PABIR3: variants seen among roughly 807,000 people sequenced by gnomAD.
PABIR3 encodes PABIR family member 1.
A neutral mutation model predicts 23.1 loss-of-function variants in PABIR3; 20 were observed. The observed-to-expected ratio is 0.86, with a 90% CI of 0.61 to 1.26. PABIR3 has a LOEUF of 1.26. Among genes scored for constraint, PABIR3 ranks in the 50% most tolerant of loss-of-function variants. The pLI is 0.00. For synonymous variants in PABIR3, 69 were observed against 68.5 expected (o/e 1.01, Z -0.04); for missense variants, 189 against 195.4 (o/e 0.97, Z 0.20).
the PABIR3 span, among the ~76,000 whole-genome samples, chrX:134,863,059 A>G: frequency 9.0e-6 from 1 of 111,618 alleles, no homozygotes; most frequent in South Asian, 3.7e-4. Flanking sequence ...CAGTTTATCA[A>G]TATGTTTAAA....
At chrX:134,803,080 G>A (rs891757563), upstream of PABIR3, among the ~76,000 whole-genome samples, 1 of 112,415 alleles carries the variant, frequency 8.9e-6, no homozygotes, top group African/African-American at 3.2e-5. Context: ...TGGCGCAGGT[G>A]GTAAAGGAAT....
downstream of PABIR3, among the ~76,000 whole-genome samples, chrX:134,856,068 C>A (rs1259019677): frequency 1.8e-5 from 2 of 111,977 alleles, no homozygotes; most frequent in Non-Finnish European, 3.8e-5. Context: ...CAGAAAGTAA[C>A]TAATGGGGAT....
chrX:134,809,645 T>C, intron 2 of PABIR3: 1 of 736,834 alleles, frequency 1.4e-6, no homozygotes, highest in African/African-American at 2.3e-5. Flanking sequence ...CACAGTACCA[T>C]AGACTATCAG....
intron 4 of PABIR3, among the ~76,000 whole-genome samples, chrX:134,836,946 G>A (rs1394844317): frequency 9.0e-6 from 1 of 111,713 alleles, no homozygotes; most frequent in Non-Finnish European, 1.9e-5. Context: ...GTTCGTGCCT[G>A]TAATTCCAGT....
At chrX:134,800,587 C>A (rs112654361) in intron 1 of PABIR3, among the ~76,000 whole-genome samples, 8,481 of 111,151 alleles carry the variant, frequency 0.076, 789 homozygotes, top group African/African-American at 0.26. Context: ...GTCAAGAGAT[C>A]GAGACCATCC....
At chrX:134,830,582 C>T (rs773725686) in intron 4 of PABIR3, among the ~76,000 whole-genome samples, 12 of 109,886 alleles carry the variant, frequency 1.1e-4, no homozygotes, top group Non-Finnish European at 1.9e-4. Flanking sequence ...ATCTGCCTAC[C>T]TCGGCCTCCC....
At chrX:134,813,072 GAAAT>G (rs920496633) in intron 2 of PABIR3, among the ~76,000 whole-genome samples, 16 of 111,946 alleles carry the variant, frequency 1.4e-4, no homozygotes, top group African/African-American at 4.9e-4. Flanking sequence ...TTTTACAAAT[GAAAT>G]GATGGTATTG....
intron 3 of PABIR3, 39 bp from the exon 4 acceptor site, chrX:134,829,187 A>AC: frequency 1.8e-6 from 2 of 1,115,179 alleles, no homozygotes; most frequent in Non-Finnish European, 2.5e-6. Context: ...TTAATCACAA[A>AC]CATTAAAGCA....
In PABIR3 at chrX:134,830,767, T is replaced by C. The variant is rs2081746656; in HGVS notation, c.246+1485T>C. ...CGTGTTTATCTGTGCAATATGTTTCTTTGCTTCTCCTAAATTAAACCAAAT... is the reference window on the plus strand; with the variant it reads ...CGTGTTTATCTGTGCAATATGTTTCCTTGCTTCTCCTAAATTAAACCAAAT... On this transcript the variant is annotated intron_variant, in intron 4 of 10. Transcript: ENST00000645433. 3.6e-5 allele frequency among the ~76,000 whole-genome samples: 4 copies of C among 111,844 alleles called. No homozygotes were observed. The Admixed American group carries it at 3.8e-4, about 11-fold the overall frequency.
chrX:134,810,414 G>A (rs2080580277), intron 2 of PABIR3: 1 of 753,206 alleles, frequency 1.3e-6, no homozygotes, highest in Admixed American at 8.7e-5. Flanking sequence ...GCATATTTCT[G>A]TAGTAGGAGT....
intron 3 of PABIR3, among the ~76,000 whole-genome samples, chrX:134,818,823 T>A (rs994435331): frequency 1.6e-4 from 18 of 111,347 alleles, no homozygotes; most frequent in African/African-American, 3.9e-4. Flanking sequence ...TGGGTTTTTT[T>A]AAATCAGTAA....
chrX:134,816,423 C>T (rs767181673), intron 3 of PABIR3, among the ~76,000 whole-genome samples: 5 of 112,304 alleles, frequency 4.5e-5, no homozygotes, highest in Non-Finnish European at 7.5e-5. Flanking sequence ...CGGGTTCAGG[C>T]GATTCTCCTG....
At chrX:134,845,905 A>C (rs1211846379) in intron 6 of PABIR3, among the ~76,000 whole-genome samples, 2 of 112,221 alleles carry the variant, frequency 1.8e-5, no homozygotes, top group Admixed American at 9.5e-5. Context: ...TCCATAATTT[A>C]TGAACTATAT....
At chrX:134,814,977 C>T (rs1453297104) in intron 3 of PABIR3, 128 bp downstream of exon 3, 4 of 485,758 alleles carry the variant, frequency 8.2e-6, no homozygotes, top group Non-Finnish European at 1.3e-5. Flanking sequence ...GGAGTCTCAC[C>T]CCCAGGGTTT....
chrX:134,825,085 G>A (rs1046567759), intron 3 of PABIR3, among the ~76,000 whole-genome samples: 2 of 111,404 alleles, frequency 1.8e-5, no homozygotes, highest in African/African-American at 6.5e-5. Flanking sequence ...AGCCGGAGGG[G>A]GGTATGTGGG....
chrX:134,829,256 A>G lies in PABIR3; in HGVS notation c.220A>G (p.Ile74Val), dbSNP rs997733295. 8.3e-7 allele frequency: 1 copy of G among 1,209,522 alleles called. No individual in the cohort carries two copies. The highest frequency in any genetic ancestry group is 1.8e-5 in the South Asian group (1 of 56,719). Reference sequence around the variant, plus strand: ...GCCACCTCCTCCCTTTCATGGTTCCATCAGCCGCCTTCATCAAATCAAACA... The same window carrying G: ...GCCACCTCCTCCCTTTCATGGTTCCGTCAGCCGCCTTCATCAAATCAAACA... The part of the protein sequence containing the change: ...LLPPPPFHGS[I>V]SRLHQIKQEE... The change falls in exon 4 of 11, where the codon ATC (isoleucine) becomes GTC (valine). Residue 74 changes from isoleucine (I) to valine (V), a missense_variant. Ile to Val is a conservative substitution (Grantham distance 29). Transcript: ENST00000645433.
Position 134,854,340 on chromosome X carries a change from C to T in PABIR3, c.*123C>T. Reference sequence around the variant, plus strand: ...TGTACTGTATAATTTAAACTATCTCCTATTTATCTTTTTTCCTCAATTTCC... The same window carrying T: ...TGTACTGTATAATTTAAACTATCTCTTATTTATCTTTTTTCCTCAATTTCC... On this transcript the variant is annotated 3_prime_UTR_variant, in exon 11 of 11. Transcript: ENST00000645433. 5 of 785,417 alleles carry T rather than the reference C, an allele frequency of 6.4e-6. No homozygotes were observed. The highest frequency in any genetic ancestry group is 8.4e-6 in the Non-Finnish European group (5 of 596,460). The allele number at this position is 785,417 out of a possible 1,213,427, so 64.7% of individuals were successfully genotyped here.
In PABIR3 at chrX:134,822,380, A is replaced by G. The variant is rs2081330140; in HGVS notation, c.190-6846A>G. 3 of 750,766 alleles carry G rather than the reference A, an allele frequency of 4.0e-6. No individual in the cohort carries two copies. In the East Asian group the frequency reaches 4.5e-4, roughly 113 times the overall value. The allele number at this position is 750,766 out of a possible 1,213,427, so 61.9% of individuals were successfully genotyped here. ...TTTTCTGCAATTAATTTCTCACATT[A>G]TTACTAAAAGAATCAGCCAATACAA... On this transcript the variant is annotated intron_variant, in intron 3 of 10. Coordinates refer to ENST00000645433, the MANE Select transcript of PABIR3 (RefSeq NM_001388447.1).
At chrX:134,806,739 T>A (rs1324779611), upstream of PABIR3, among the ~76,000 whole-genome samples, 1 of 110,337 alleles carries the variant, frequency 9.1e-6, no homozygotes, top group Non-Finnish European at 1.9e-5. Context: ...GCAAGACCCT[T>A]TGGGACCAAG....
Sources: allele counts gnomAD v4.1 joint callset (sites outside exome capture counted in the v4.1 genomes callset), GRCh38; gene constraint gnomAD v4.1.1; transcripts MANE v1.5; gene names NCBI Gene and HGNC (gene_info 2026-07-23, HGNC 2026-07-21).